Variants in SGCZ observed in about 807,000 individuals in gnomAD.
SGCZ encodes the protein zeta-sarcoglycan.
SGCZ carries 40 observed loss-of-function variants against 41.3 expected under a neutral mutation model. The observed-to-expected ratio is 0.97, with a 90% confidence interval of 0.75 to 1.26. The LOEUF is 1.26. Ranked by LOEUF, SGCZ falls within the 50% of genes most tolerant of loss-of-function variation. The probability of loss-of-function intolerance (pLI) is 0.00; values close to 1 mark genes in which losing one functional copy is unlikely to be tolerated. For synonymous variants in SGCZ, 206 were observed against 137.5 expected, an observed-to-expected ratio of 1.50 and a Z score of -3.49; for missense variants, 552 against 369.8, an observed-to-expected ratio of 1.49 and a Z score of -4.04.
intron 1 of SGCZ, among the ~76,000 whole-genome samples, chr8:15,129,403 A>G (rs1483009294): frequency 1.3e-5 from 2 of 152,154 alleles, no homozygotes; most frequent in African/African-American, 2.4e-5. Flanking sequence ...CATTCAATTC[A>G]TAACATTTTT....
intron 4 of SGCZ, among the ~76,000 whole-genome samples, chr8:14,208,030 A>G (rs1485161798): frequency 2.0e-5 from 3 of 152,138 alleles, no homozygotes; most frequent in African/African-American, 4.8e-5. Context: ...TTCCCTACAA[A>G]CAGAAAATGA....
chr8:14,275,941 T>G (rs1800213166), intron 3 of SGCZ, among the ~76,000 whole-genome samples: 1 of 152,182 alleles, frequency 6.6e-6, no homozygotes. Context: ...GACCAATGTG[T>G]CAAAACCTTT....
chr8:14,285,984 A>G (rs1430269629), intron 3 of SGCZ, among the ~76,000 whole-genome samples: 1 of 152,166 alleles, frequency 6.6e-6, no homozygotes, highest in African/African-American at 2.4e-5. Flanking sequence ...ATGTGTATCT[A>G]AAAGAAAGAT....
intron 5 of SGCZ, among the ~76,000 whole-genome samples, chr8:14,129,380 C>T (rs1802966371): frequency 7.2e-6 from 1 of 138,838 alleles, no homozygotes; most frequent in Non-Finnish European, 1.6e-5. Context: ...AAAATCTGCT[C>T]TTGTACTCAT....
chr8:15,191,573 ATTG>A (rs145232461), intron 1 of SGCZ, among the ~76,000 whole-genome samples: 7,317 of 152,094 alleles, frequency 0.048, 232 homozygotes, highest in Middle Eastern at 0.065. Flanking sequence ...CTAATTCATC[ATTG>A]TTTTTGAAAA....
At chr8:14,186,999 T>G (rs1804928505) in intron 4 of SGCZ, among the ~76,000 whole-genome samples, 1 of 152,116 alleles carries the variant, frequency 6.6e-6, no homozygotes. Flanking sequence ...TGAAAACAAT[T>G]GATAAACTCT....
At chr8:14,357,512 G>A (rs1478284478) in intron 2 of SGCZ, among the ~76,000 whole-genome samples, 4 of 152,108 alleles carry the variant, frequency 2.6e-5, no homozygotes, top group Non-Finnish European at 5.9e-5. Flanking sequence ...ACTATATGCT[G>A]TACCTTTGAA....
chr8:14,246,723 T>G (rs998011972), intron 3 of SGCZ, among the ~76,000 whole-genome samples: 1 of 151,414 alleles, frequency 6.6e-6, no homozygotes, highest in African/African-American at 2.4e-5. Flanking sequence ...CTGGCTGACA[T>G]GGTGAAACTC....
At chr8:14,456,836 A>G (rs548944582) in intron 2 of SGCZ, among the ~76,000 whole-genome samples, 1 of 152,176 alleles carries the variant, frequency 6.6e-6, no homozygotes, top group Non-Finnish European at 1.5e-5. Context: ...TGTCTTTGTG[A>G]TAGTGACTGA....
intron 1 of SGCZ, among the ~76,000 whole-genome samples, chr8:14,862,576 A>G (rs1254855924): frequency 7.2e-6 from 1 of 138,382 alleles, no homozygotes. Context: ...ATATATATAT[A>G]TATATACACA....
At chr8:14,789,648 C>T in intron 1 of SGCZ, among the ~76,000 whole-genome samples, 1 of 152,148 alleles carries the variant, frequency 6.6e-6, no homozygotes, top group East Asian at 1.9e-4. Flanking sequence ...CTCTCTGACC[C>T]AGGACCTTTG....
At chr8:14,175,711 G>C (rs973683458) in intron 4 of SGCZ, among the ~76,000 whole-genome samples, 1 of 152,028 alleles carries the variant, frequency 6.6e-6, no homozygotes, top group Non-Finnish European at 1.5e-5. Context: ...TAGAAAAGGA[G>C]ATTAAATACT....
intron 1 of SGCZ, among the ~76,000 whole-genome samples, chr8:14,696,730 G>A (rs1006788112): frequency 6.6e-6 from 1 of 151,780 alleles, no homozygotes; most frequent in African/African-American, 2.4e-5. Flanking sequence ...CCTATTGTAT[G>A]CTGCCTTTAA....
rs565862164 is a variant in SGCZ, at chr8:14,634,560, C to A, written c.40-79634G>T. 2.2e-4 allele frequency among the ~76,000 whole-genome samples: 34 copies of A among 151,910 alleles called. 1 individual carries two copies. The South Asian group carries it at 6.2e-3, about 28-fold the overall frequency. On this transcript the variant is annotated intron_variant, in intron 1 of 7. Coordinates refer to ENST00000382080, the MANE Select transcript of SGCZ (RefSeq NM_139167.4). Reference sequence around the variant, plus strand: ...AGCCTTTTAAATAAATCAGATTGAACCCTTACTTGAGCAAAACCAGGTAAC... The same window carrying A: ...AGCCTTTTAAATAAATCAGATTGAAACCTTACTTGAGCAAAACCAGGTAAC...
At chr8:15,067,872 C>T (rs1585530374) in intron 1 of SGCZ, among the ~76,000 whole-genome samples, 1 of 152,238 alleles carries the variant, frequency 6.6e-6, no homozygotes, top group South Asian at 2.1e-4. Context: ...CCCATTCCTC[C>T]TGTGCCAATA....
chr8:14,412,622 C>T (rs928112006), intron 2 of SGCZ, among the ~76,000 whole-genome samples: 1 of 152,078 alleles, frequency 6.6e-6, no homozygotes, highest in African/African-American at 2.4e-5. Flanking sequence ...AATGAGTAAC[C>T]TAACCTTTTA....
intron 1 of SGCZ, among the ~76,000 whole-genome samples, chr8:14,727,962 T>C (rs998290405): frequency 6.6e-6 from 1 of 152,082 alleles, no homozygotes; most frequent in Non-Finnish European, 1.5e-5. Flanking sequence ...AAGTGCACAG[T>C]AAAAAATACT....
At chr8:15,152,962 G>A (rs904787679) in intron 1 of SGCZ, among the ~76,000 whole-genome samples, 2 of 152,126 alleles carry the variant, frequency 1.3e-5, no homozygotes, top group African/African-American at 2.4e-5. Context: ...TTGGTGACCC[G>A]CTTTGGACTC....
intron 1 of SGCZ, among the ~76,000 whole-genome samples, chr8:14,586,898 T>A (rs921441511): frequency 1.7e-4 from 26 of 152,146 alleles, no homozygotes; most frequent in Non-Finnish European, 1.6e-4. Flanking sequence ...TTAATAAAGT[T>A]CGTAGTGGTG....
Sources: allele counts gnomAD v4.1 joint callset (sites outside exome capture counted in the v4.1 genomes callset), GRCh38; gene constraint gnomAD v4.1.1; transcripts MANE v1.5; gene names NCBI Gene and HGNC (gene_info 2026-07-23, HGNC 2026-07-21).